Variants in CDKL1 observed in about 807,000 individuals in gnomAD.
CDKL1 encodes the protein cyclin dependent kinase like 1, also known as cyclin-dependent kinase-like 1.
A neutral mutation model predicts 42.0 loss-of-function variants in CDKL1; 41 were observed. The ratio of observed to expected loss-of-function variants is 0.98; its 90% CI spans 0.76 to 1.27. The LOEUF (loss-of-function observed/expected upper bound fraction) is 1.27, where lower values mean the gene tolerates loss of function less well. Among genes scored for constraint, CDKL1 ranks in the 50% most tolerant of loss-of-function variants. CDKL1 has a pLI of 0.00. For synonymous variants in CDKL1, 153 were observed against 158.6 expected (o/e 0.96, Z 0.26); for missense variants, 394 against 428.4 (o/e 0.92, Z 0.71).
Position 50,330,093 on chromosome 14 carries a change from TAGTTA to T in CDKL1, c.1050_1054del (p.Asn351ProfsTer88). The T allele has an allele frequency of 6.2e-7, 1 of 1,608,462 alleles. No homozygotes were observed. ...GCTCCTTTAAATGTTTGGAAAACGG[TAGTTA>T]AGTTTCTTGGTATCACAGTAGTACT... On this transcript the variant is annotated frameshift_variant, in exon 10 of 10. Transcript: ENST00000395834. LOFTEE classifies it high-confidence loss of function.
At position 50,332,331 on chromosome 14, in the gene CDKL1, T is replaced by C; in HGVS notation, c.897A>G (p.Glu299=). 2 of 1,614,222 alleles carry C rather than the reference T, an allele frequency of 1.2e-6. No homozygotes were observed. The highest frequency in any genetic ancestry group is 1.7e-6 in the Non-Finnish European group (2 of 1,180,030). ...NIREIEDLAK[E]HNKPTRKTLR... is the part of the protein sequence containing the mutation. Reference sequence around the variant, plus strand: ...GGGTCTTCCTTGTTGGTTTGTTGTGTTCTTTTGCCAAATCCTCTATTTCTC... The same window carrying C: ...GGGTCTTCCTTGTTGGTTTGTTGTGCTCTTTTGCCAAATCCTCTATTTCTC... Residue 299 remains glutamate (E), a synonymous_variant, in exon 9 of 10, where the codon GAA becomes GAG. Coordinates refer to ENST00000395834, the MANE Select transcript of CDKL1 (RefSeq NM_004196.7).
intron 4 of CDKL1, 183 bp from the exon 5 acceptor site, chr14:50,342,405 C>T (rs984835603): frequency 2.2e-6 from 3 of 1,353,234 alleles, no homozygotes; most frequent in Non-Finnish European, 2.8e-6. Flanking sequence ...CTGAATCATC[C>T]CAAATTCCTA....
chr14:50,384,129 G>A (rs1460872885), intron 2 of CDKL1, among the ~76,000 whole-genome samples: 1 of 152,172 alleles, frequency 6.6e-6, no homozygotes, highest in Non-Finnish European at 1.5e-5. Flanking sequence ...GGAATGCTCT[G>A]TTTTGTCTCC....
intron 2 of CDKL1, chr14:50,362,299 G>A: frequency 2.8e-6 from 1 of 355,584 alleles, no homozygotes; most frequent in Non-Finnish European, 5.6e-6. Context: ...CATGGGACTG[G>A]CAGGCAGCTC....
chr14:50,333,261 A>C (rs995551384), intron 8 of CDKL1: 1 of 152,190 alleles, frequency 6.6e-6, no homozygotes, highest in African/African-American at 2.4e-5. Flanking sequence ...GGTCGGCACA[A>C]AATATAGGTC....
At chr14:50,332,125 T>C (rs1279333497) in intron 9 of CDKL1, 137 bp downstream of exon 9, 1 of 1,608,588 alleles carries the variant, frequency 6.2e-7, no homozygotes, top group East Asian at 2.2e-5. Flanking sequence ...CCTGGGGCCC[T>C]GGTTGATAGA....
chr14:50,367,331 A>C (rs1000586221), intron 2 of CDKL1, among the ~76,000 whole-genome samples: 11 of 152,186 alleles, frequency 7.2e-5, no homozygotes, highest in African/African-American at 2.7e-4. Flanking sequence ...ACCAGAAGCC[A>C]GATTATGTGG....
At chr14:50,366,022 C>A (rs2034428486) in intron 2 of CDKL1, among the ~76,000 whole-genome samples, 1 of 152,180 alleles carries the variant, frequency 6.6e-6, no homozygotes, top group South Asian at 2.1e-4. Context: ...TGGGACTCAG[C>A]TTGCAGACGG....
At chr14:50,396,956 C>T, upstream of CDKL1, 1 of 561,680 alleles carries the variant, frequency 1.8e-6, no homozygotes, top group Non-Finnish European at 2.5e-6. Flanking sequence ...GGGGCCGCCG[C>T]GCCCCAGCTT....
intron 7 of CDKL1, 65 bp downstream of exon 7, chr14:50,338,882 G>C: frequency 9.9e-7 from 1 of 1,012,634 alleles, no homozygotes; most frequent in Non-Finnish European, 1.6e-6. Context: ...GGGCTCAGGA[G>C]GTGAATAACA....
chr14:50,376,557 C>G (rs1002715208), intron 2 of CDKL1: 10 of 221,750 alleles, frequency 4.5e-5, no homozygotes, highest in African/African-American at 2.1e-4. Context: ...AGAGGCCTAT[C>G]TATTGGCTGA....
chr14:50,362,935 G>T, intron 2 of CDKL1: 1 of 461,566 alleles, frequency 2.2e-6, no homozygotes. Flanking sequence ...TTCACTCTTT[G>T]CAATAAATCT....
chr14:50,383,711 C>T (rs2034991821), intron 2 of CDKL1, among the ~76,000 whole-genome samples: 1 of 152,168 alleles, frequency 6.6e-6, no homozygotes, highest in African/African-American at 2.4e-5. Flanking sequence ...TTCCTGCCTC[C>T]TCTTGCTCTG....
chr14:50,392,257 C>T (rs1033573032), intron 2 of CDKL1, among the ~76,000 whole-genome samples: 1 of 152,054 alleles, frequency 6.6e-6, no homozygotes, highest in Non-Finnish European at 1.5e-5. Context: ...ACCAGCCTGA[C>T]CAACATGGTG....
chr14:50,379,610 T>G (rs2034844136), intron 2 of CDKL1, among the ~76,000 whole-genome samples: 1 of 152,168 alleles, frequency 6.6e-6, no homozygotes, highest in Non-Finnish European at 1.5e-5. Flanking sequence ...CAGAAATCTG[T>G]GCTAATAATG....
intron 2 of CDKL1, among the ~76,000 whole-genome samples, chr14:50,372,319 T>C (rs2034612896): frequency 6.6e-6 from 1 of 152,166 alleles, no homozygotes. Context: ...AGTTTTGCCA[T>C]GTTGGCCAGA....
intron 3 of CDKL1, among the ~76,000 whole-genome samples, chr14:50,350,241 T>A (rs747770953): frequency 3.9e-5 from 6 of 152,222 alleles, no homozygotes; most frequent in Non-Finnish European, 8.8e-5. Flanking sequence ...TTGTAGCCCG[T>A]GCTAGCAAGG....
rs34024517 is a variant in CDKL1 at position 50,387,206 on chromosome 14, T to TAAAA, written c.168+8491_168+8494dup. On this transcript the variant is annotated intron_variant, in intron 2 of 9. Coordinates refer to ENST00000395834, the MANE Select transcript of CDKL1 (RefSeq NM_004196.7). ...TGGGCAACAGACTGAGACCCTGTCT[T>TAAAA]AAAAAAAAAAAAAAAATGGGGGTGG... is the stretch of plus-strand genomic sequence containing the variant. Among the ~76,000 whole-genome samples the TAAAA allele has an allele frequency of 4.9e-5, 4 of 80,848 alleles. No homozygotes were observed. The Admixed American group carries it at 6.5e-4, about 13-fold the overall frequency. The allele number at this position is 80,848 out of a possible 152,430, so 53.0% of individuals were successfully genotyped here. A position where few individuals can be genotyped will look rare whatever the true frequency, so the allele number is the denominator to read the frequency against.
intron 4 of CDKL1, chr14:50,342,947 C>A: frequency 7.4e-7 from 1 of 1,357,864 alleles, no homozygotes; most frequent in South Asian, 1.2e-5. Context: ...GTCCCACACA[C>A]AAGTGCTCTG....
Sources: allele counts gnomAD v4.1 joint callset (sites outside exome capture counted in the v4.1 genomes callset), GRCh38; gene constraint gnomAD v4.1.1; transcripts MANE v1.5; gene names NCBI Gene and HGNC (gene_info 2026-07-23, HGNC 2026-07-21).